Variants in FAM53B observed in about 807,000 individuals in gnomAD.
The protein encoded by FAM53B is family with sequence similarity 53 member B, also known as protein FAM53B.
FAM53B carries 12 observed loss-of-function variants against 32.7 expected under a neutral mutation model. That is an observed-to-expected ratio of 0.37 (90% CI 0.24 to 0.59). The LOEUF (loss-of-function observed/expected upper bound fraction) is 0.59, where lower values mean the gene tolerates loss of function less well. Ranked by LOEUF, FAM53B falls within the 20% of genes least tolerant of loss-of-function variation. The pLI, the probability that FAM53B is intolerant of heterozygous loss-of-function variation, is 0.72. For synonymous variants in FAM53B, 234 were observed against 228.7 expected (o/e 1.02, Z -0.21); for missense variants, 477 against 577.7 (o/e 0.83, Z 1.79).
intron 4 of FAM53B, among the ~76,000 whole-genome samples, chr10:124,677,037 A>T (rs1306616068): frequency 6.6e-6 from 1 of 152,124 alleles, no homozygotes; most frequent in Non-Finnish European, 1.5e-5. Flanking sequence ...GAGAAGTACA[A>T]TTTGTTGCTC....
chr10:124,653,635 C>T (rs773208510), intron 4 of FAM53B, among the ~76,000 whole-genome samples: 13 of 152,198 alleles, frequency 8.5e-5, no homozygotes, highest in Non-Finnish European at 1.6e-4. Context: ...GGGTCAAAGC[C>T]CTCTCTTAAC....
At chr10:124,691,828 A>T (rs1488025112) in intron 3 of FAM53B, among the ~76,000 whole-genome samples, 2 of 152,184 alleles carry the variant, frequency 1.3e-5, no homozygotes, top group Non-Finnish European at 2.9e-5. Flanking sequence ...CTTGACTGAG[A>T]GTCCACGCGT....
intron 4 of FAM53B, among the ~76,000 whole-genome samples, chr10:124,628,742 A>G (rs1589729924): frequency 1.3e-5 from 2 of 152,096 alleles, no homozygotes; most frequent in African/African-American, 2.4e-5. Flanking sequence ...GAAGGAGGTT[A>G]CCCTTTCCCT....
At chr10:124,661,553 A>G (rs1435679942) in intron 4 of FAM53B, among the ~76,000 whole-genome samples, 1 of 152,184 alleles carries the variant, frequency 6.6e-6, no homozygotes, top group Non-Finnish European at 1.5e-5. Context: ...CTCTGAGACA[A>G]TCTTACAGCC....
At chr10:124,704,908 G>A (rs532258467) in intron 2 of FAM53B, among the ~76,000 whole-genome samples, 10 of 152,272 alleles carry the variant, frequency 6.6e-5, no homozygotes, top group Non-Finnish European at 1.0e-4. Flanking sequence ...TGGTGGCAGC[G>A]GGGCTGGTGA....
chr10:124,665,326 A>G (rs1187493887), intron 4 of FAM53B, among the ~76,000 whole-genome samples: 2 of 152,222 alleles, frequency 1.3e-5, no homozygotes, highest in African/African-American at 4.8e-5. Flanking sequence ...TCAACTCTCC[A>G]GGTGGCTCTC....
At chr10:124,714,758 CAAAAAAAA>C (rs71484584) in intron 1 of FAM53B, among the ~76,000 whole-genome samples, 9 of 90,840 alleles carry the variant, frequency 9.9e-5, no homozygotes, top group East Asian at 6.2e-4. Flanking sequence ...GACTCCACCT[CAAAAAAAA>C]AAAAAAAAAA....
chr10:124,663,924 G>A (rs1452696273), intron 4 of FAM53B, among the ~76,000 whole-genome samples: 1 of 152,028 alleles, frequency 6.6e-6, no homozygotes, highest in Non-Finnish European at 1.5e-5. Context: ...AGCCTGGCAC[G>A]GGACACCTGT....
At chr10:124,738,869 G>A (rs1017635433) in intron 1 of FAM53B, among the ~76,000 whole-genome samples, 6 of 152,148 alleles carry the variant, frequency 3.9e-5, no homozygotes, top group African/African-American at 1.4e-4. Context: ...ATAAATGGTG[G>A]TGTTTCCAGT....
Position 124,681,786 on chromosome 10 carries a change from G to T in FAM53B, c.727C>A (p.Pro243Thr), listed in dbSNP as rs1467885900. 6.2e-7 allele frequency: 1 copy of T among 1,609,382 alleles called. No homozygotes were observed. The highest frequency in any genetic ancestry group is 8.5e-7 in the Non-Finnish European group (1 of 1,177,892). Residue 243 changes from proline (P) to threonine (T), a missense_variant, in exon 4 of 5, where the codon CCT (proline) becomes ACT (threonine). Pro to Thr is a conservative substitution (Grantham distance 38). Coordinates refer to ENST00000337318, the MANE Select transcript of FAM53B (RefSeq NM_014661.4). ...HEQFSFVEYC[P>T]PSANSTPAST... ...GCAGGTGTGCTGTTGGCTGAGGGAG[G>T]ACAGTATTCCACAAAGGAAAACTGC...
chr10:124,667,937 G>T (rs375612099), intron 4 of FAM53B, among the ~76,000 whole-genome samples: 11 of 152,172 alleles, frequency 7.2e-5, no homozygotes, highest in African/African-American at 2.7e-4. Context: ...GAGGCCCAGG[G>T]AGGGGCAGCG....
At chr10:124,728,845 C>G (rs112128387) in intron 1 of FAM53B, among the ~76,000 whole-genome samples, 1 of 152,224 alleles carries the variant, frequency 6.6e-6, no homozygotes, top group Non-Finnish European at 1.5e-5. Flanking sequence ...TGCAGAGGAG[C>G]AAGAGATTTC....
chr10:124,704,746 G>A lies in FAM53B; in HGVS notation c.78+1890C>T, dbSNP rs892865661. ...GGGCTGGGTGTTTGCTAAGCATTCA[G>A]TGTAAAGCCAGTGGAAGCTGCTACA... On this transcript the variant is annotated intron_variant, in intron 2 of 4. Transcript: ENST00000337318. Among the ~76,000 whole-genome samples, 7 of 152,350 alleles carry A rather than the reference G, an allele frequency of 4.6e-5. No individual in the cohort carries two copies. In the East Asian group the frequency reaches 1.3e-3, roughly 29 times the overall value.
intron 1 of FAM53B, among the ~76,000 whole-genome samples, chr10:124,725,760 A>G (rs2134098463): frequency 6.6e-6 from 1 of 152,364 alleles, no homozygotes; most frequent in Admixed American, 6.5e-5. Flanking sequence ...GTCTCCAACT[A>G]TCACGGTGAG....
At chr10:124,637,942 C>T (rs542516029) in intron 4 of FAM53B, among the ~76,000 whole-genome samples, 1 of 152,350 alleles carries the variant, frequency 6.6e-6, no homozygotes, top group Admixed American at 6.5e-5. Flanking sequence ...GAGCCCCCCG[C>T]ACCCAGGAGC....
At position 124,647,005 on chromosome 10, in the gene FAM53B, G is replaced by C. The variant is rs1416723608; in HGVS notation, c.907-23401C>G. 2.6e-5 allele frequency among the ~76,000 whole-genome samples: 4 copies of C among 152,176 alleles called. No homozygotes were observed. The East Asian group carries it at 5.8e-4, about 22-fold the overall frequency. On this transcript the variant is annotated intron_variant, in intron 4 of 4. Transcript: ENST00000337318. ...CCCTCCCTTGGCAGACCCTGCAGCA[G>C]GCGATGGGAACTGGGAGCAGAAGGA...
At chr10:124,625,588 GC>G (rs1299670269) in intron 4 of FAM53B, among the ~76,000 whole-genome samples, 1 of 152,176 alleles carries the variant, frequency 6.6e-6, no homozygotes, top group Non-Finnish European at 1.5e-5. Flanking sequence ...ATCCTCGCCT[GC>G]CCCTGGCCAG....
chr10:124,697,777 G>A (rs930304606), intron 2 of FAM53B, among the ~76,000 whole-genome samples: 2 of 152,070 alleles, frequency 1.3e-5, no homozygotes, highest in Non-Finnish European at 2.9e-5. Context: ...TCCTCCTACA[G>A]GTTGCCCTCC....
chr10:124,716,682 G>A (rs1950040363), intron 1 of FAM53B, among the ~76,000 whole-genome samples: 1 of 152,114 alleles, frequency 6.6e-6, no homozygotes, highest in African/African-American at 2.4e-5. Context: ...TCTCACGACC[G>A]CTCATGTCCT....
Sources: gnomAD v4.1 joint callset for allele counts (sites outside exome capture counted in the v4.1 genomes callset) on GRCh38, gnomAD v4.1.1 for gene constraint, MANE v1.5 for transcripts, NCBI Gene and HGNC (gene_info 2026-07-23, HGNC 2026-07-21) for gene names.